DOK6: variants seen among roughly 807,000 people sequenced by gnomAD.
DOK6 encodes the protein downstream of tyrosine kinase 6.
DOK6 carries 22 observed loss-of-function variants against 44.0 expected under a neutral mutation model. The ratio of observed to expected loss-of-function variants is 0.50; its 90% CI spans 0.36 to 0.71. The LOEUF is 0.71. Ranked by LOEUF, DOK6 falls within the 30% of genes least tolerant of loss-of-function variation. The pLI, the probability that DOK6 is intolerant of heterozygous loss-of-function variation, is 0.00. For missense variants in DOK6, 340 were observed against 416.4 expected, an observed-to-expected ratio of 0.82 and a Z score of 1.60; for synonymous variants, 166 against 145.5, an observed-to-expected ratio of 1.14 and a Z score of -1.01.
chr18:69,461,513 C>G (rs955452294), intron 1 of DOK6, among the ~76,000 whole-genome samples: 3 of 152,132 alleles, frequency 2.0e-5, no homozygotes, highest in African/African-American at 7.2e-5. Context: ...GAGCACATAT[C>G]CCTATTTGGT....
At chr18:69,466,129 G>A (rs887872831) in intron 1 of DOK6, among the ~76,000 whole-genome samples, 2 of 152,062 alleles carry the variant, frequency 1.3e-5, no homozygotes, top group African/African-American at 2.4e-5. Flanking sequence ...ATCCTGTCTA[G>A]CTGAAATTTT....
Position 69,547,728 on chromosome 18 carries a change from C to G in DOK6, c.67-16759C>G, listed in dbSNP as rs1032460478. Among the ~76,000 whole-genome samples, 3 of 150,938 alleles carry G rather than the reference C, an allele frequency of 2.0e-5. No homozygotes were observed. The East Asian group carries it at 5.8e-4, about 29-fold the overall frequency. On this transcript the variant is annotated intron_variant, in intron 1 of 7. Transcript: ENST00000382713. ...CTCATCCATACACCCTTCTTAGCCTCTGGTAACCATCATTCTACTCTCTCT... is the reference window on the plus strand; with the variant it reads ...CTCATCCATACACCCTTCTTAGCCTGTGGTAACCATCATTCTACTCTCTCT...
At chr18:69,656,514 T>C (rs1416189554) in intron 3 of DOK6, among the ~76,000 whole-genome samples, 1 of 152,192 alleles carries the variant, frequency 6.6e-6, no homozygotes, top group East Asian at 1.9e-4. Context: ...ATATAAATAA[T>C]AGTAGCACTT....
chr18:69,762,422 T>A (rs940188910), intron 7 of DOK6, among the ~76,000 whole-genome samples: 1 of 152,216 alleles, frequency 6.6e-6, no homozygotes, highest in Non-Finnish European at 1.5e-5. Flanking sequence ...ACCTCTTCTT[T>A]ACAAAAAGGA....
intron 7 of DOK6, among the ~76,000 whole-genome samples, chr18:69,766,901 G>A (rs1326215760): frequency 6.6e-6 from 1 of 152,128 alleles, no homozygotes; most frequent in East Asian, 1.9e-4. Context: ...TACTGTGCTT[G>A]GGGAAATTTG....
At chr18:69,679,868 T>C (rs1445327389) in intron 4 of DOK6, among the ~76,000 whole-genome samples, 2 of 152,100 alleles carry the variant, frequency 1.3e-5, no homozygotes, top group Non-Finnish European at 2.9e-5. Context: ...TTAATATAGG[T>C]TTATTTTAGA....
chr18:69,821,454 T>G (rs1981566561), intron 7 of DOK6, among the ~76,000 whole-genome samples: 1 of 152,228 alleles, frequency 6.6e-6, no homozygotes, highest in Non-Finnish European at 1.5e-5. Flanking sequence ...TAGTGAATCA[T>G]CCTCTGAATG....
chr18:69,810,186 T>C lies in DOK6; in HGVS notation c.857-31058T>C, dbSNP rs568695735. On this transcript the variant is annotated intron_variant, in intron 7 of 7. Transcript: ENST00000382713. ...GCTCAGAAATAAATCCACACATTTA[T>C]GGTCAATTGATTTTTGACAAAAGTG... 3.3e-5 allele frequency among the ~76,000 whole-genome samples: 5 copies of C among 152,068 alleles called. No individual in the cohort carries two copies. In the East Asian group the frequency reaches 9.7e-4, roughly 29 times the overall value.
chr18:69,798,778 A>G (rs1236090167), intron 7 of DOK6, among the ~76,000 whole-genome samples: 2 of 151,788 alleles, frequency 1.3e-5, no homozygotes, highest in Non-Finnish European at 2.9e-5. Flanking sequence ...TGTTCTGCAT[A>G]TTACCATTTA....
chr18:69,719,737 C>T (rs1986964253), intron 5 of DOK6, among the ~76,000 whole-genome samples: 2 of 152,128 alleles, frequency 1.3e-5, no homozygotes, highest in Non-Finnish European at 2.9e-5. Flanking sequence ...TTATTTTGGC[C>T]TATTCTCAGG....
rs144378152 is a variant in DOK6, at chr18:69,819,440, C to T, written c.857-21804C>T. Among the ~76,000 whole-genome samples the T allele has an allele frequency of 2.0e-5, 3 of 152,266 alleles. No individual in the cohort carries two copies. The East Asian group carries it at 5.8e-4, about 29-fold the overall frequency. Reference sequence around the variant, plus strand: ...CTCCTGGGGGAACTCATGCAACTTGCCCAGGATTCATTTTCATTCCAGCAT... The same window carrying T: ...CTCCTGGGGGAACTCATGCAACTTGTCCAGGATTCATTTTCATTCCAGCAT... On this transcript the variant is annotated intron_variant, in intron 7 of 7. Coordinates refer to ENST00000382713, the MANE Select transcript of DOK6 (RefSeq NM_152721.6).
intron 1 of DOK6, among the ~76,000 whole-genome samples, chr18:69,479,536 C>A (rs17080982): frequency 0.24 from 36,167 of 151,964 alleles, 4,632 homozygotes; most frequent in East Asian, 0.53. Flanking sequence ...GATGTGCTTT[C>A]GGTAATATGG....
chr18:69,712,821 T>C (rs1358261654), intron 5 of DOK6, among the ~76,000 whole-genome samples: 3 of 152,208 alleles, frequency 2.0e-5, no homozygotes, highest in East Asian at 3.9e-4. Flanking sequence ...CATTCCAGCC[T>C]GGGCGACAGA....
rs149335802 is a variant in DOK6 at position 69,691,184 on chromosome 18, AAAATAAATAAATAAATAAAT to A, written c.410-7192_410-7173del. On this transcript the variant is annotated intron_variant, in intron 4 of 7. Transcript: ENST00000382713. ...GGCGACAAGAGCGAAACTCTGTCTC[AAAATAAATAAATAAATAAAT>A]AAATAAATAAATAAATAAATAAATA... is the stretch of plus-strand genomic sequence containing the variant. Among the ~76,000 whole-genome samples, 47 of 140,450 alleles carry A rather than the reference AAAATAAATAAATAAATAAAT, an allele frequency of 3.3e-4. 1 individual carries two copies. The highest frequency in any genetic ancestry group is 1.0e-3 in the African/African-American group (39 of 37,286). 92.1% of individuals were successfully genotyped at this position (140,450 alleles called of 152,430 possible).
At chr18:69,741,524 G>C (rs538177719) in intron 6 of DOK6, among the ~76,000 whole-genome samples, 2 of 152,006 alleles carry the variant, frequency 1.3e-5, no homozygotes, top group Non-Finnish European at 2.9e-5. Context: ...TTGAGACAGG[G>C]TCTCGCTCTG....
At chr18:69,504,199 A>G (rs1014146941) in intron 1 of DOK6, among the ~76,000 whole-genome samples, 8 of 152,094 alleles carry the variant, frequency 5.3e-5, no homozygotes, top group African/African-American at 1.9e-4. Flanking sequence ...AAGATAAGTC[A>G]TTTTAGAAAT....
intron 1 of DOK6, among the ~76,000 whole-genome samples, chr18:69,505,470 T>C (rs577372104): frequency 1.8e-3 from 279 of 151,070 alleles, no homozygotes; most frequent in African/African-American, 6.2e-3. Context: ...AACTGGATTC[T>C]AGTCCTGTCA....
intron 1 of DOK6, among the ~76,000 whole-genome samples, chr18:69,539,607 G>A (rs1982215211): frequency 6.6e-6 from 1 of 151,820 alleles, no homozygotes; most frequent in African/African-American, 2.4e-5. Flanking sequence ...TGTCATGTCA[G>A]CATATAGAAA....
At chr18:69,586,287 C>G (rs1426630982) in intron 2 of DOK6, among the ~76,000 whole-genome samples, 2 of 152,044 alleles carry the variant, frequency 1.3e-5, no homozygotes, top group Non-Finnish European at 2.9e-5. Flanking sequence ...AGCTTTTTGA[C>G]AAAGAAATGT....
Sources: allele counts gnomAD v4.1 joint callset (sites outside exome capture counted in the v4.1 genomes callset), GRCh38; gene constraint gnomAD v4.1.1; transcripts MANE v1.5; gene names NCBI Gene and HGNC (gene_info 2026-07-23, HGNC 2026-07-21).